The following SESTD1 variants were observed in gnomAD, a reference collection of about 807,000 sequenced individuals.
The protein encoded by SESTD1 is SEC14 and spectrin domain containing 1.
A neutral mutation model predicts 101.7 loss-of-function variants in SESTD1; 43 were observed. The ratio of observed to expected loss-of-function variants is 0.42; its 90% CI spans 0.33 to 0.55. SESTD1 has a LOEUF of 0.55. SESTD1 is among the 20% of genes least tolerant of loss of function. SESTD1 has a pLI of 0.07. For synonymous variants in SESTD1, 283 were observed against 286.8 expected, an observed-to-expected ratio of 0.99 and a Z score of 0.13; for missense variants, 647 against 815.1, an observed-to-expected ratio of 0.79 and a Z score of 2.51.
chr2:179,214,365 AG>A (rs1369862755), intron 1 of SESTD1, among the ~76,000 whole-genome samples: 1 of 134,726 alleles, frequency 7.4e-6, no homozygotes, highest in Non-Finnish European at 1.6e-5. Context: ...AAACCAACAA[AG>A]ATCAAAACAG....
In SESTD1 at chr2:179,102,623, C is replaced by T. The variant is rs1196119841; in HGVS notation, c.*7276G>A. On this transcript the variant is annotated 3_prime_UTR_variant, in exon 18 of 18. Coordinates refer to ENST00000428443, the MANE Select transcript of SESTD1 (RefSeq NM_178123.5). ...CCCTTAAAATTTTAATAGGAAAAATCGAATAAACCATACATATTTTTGAAA... is the reference window on the plus strand; with the variant it reads ...CCCTTAAAATTTTAATAGGAAAAATTGAATAAACCATACATATTTTTGAAA... 1.3e-5 allele frequency: 2 copies of T among 151,870 alleles called. No individual in the cohort carries two copies. Among genetic ancestry groups the T allele is most frequent in the African/African-American group, 2.4e-5 (1 of 41,344 alleles). 9.4% of individuals were successfully genotyped at this position (151,870 alleles called of 1,614,324 possible).
chr2:179,175,246 A>C lies in SESTD1; in HGVS notation c.255+1202T>G, dbSNP rs149769070. 4.2e-3 allele frequency among the ~76,000 whole-genome samples: 645 copies of C among 152,308 alleles called. 2 individuals carry two copies. The highest frequency in any genetic ancestry group is 0.014 in the African/African-American group (596 of 41,550). On this transcript the variant is annotated intron_variant, in intron 4 of 17. Transcript: ENST00000428443. ...TTAGCACAGTACCAAAAACATAATA[A>C]GCACTAAAACTAGAACTAAAACCTA...
intron 5 of SESTD1, among the ~76,000 whole-genome samples, chr2:179,157,304 A>G (rs1212703767): frequency 3.9e-5 from 6 of 152,178 alleles, no homozygotes; most frequent in Non-Finnish European, 2.9e-5. Context: ...GCCAAAAGCA[A>G]TCTACAAATT....
At chr2:179,160,749 C>T (rs2045720099) in intron 5 of SESTD1, among the ~76,000 whole-genome samples, 1 of 152,040 alleles carries the variant, frequency 6.6e-6, no homozygotes, top group Non-Finnish European at 1.5e-5. Context: ...TATTGTGACT[C>T]TCTAAATCAC....
At chr2:179,124,590 GC>G (rs1553517240) in intron 10 of SESTD1, 32 bp from the exon 11 acceptor site, 1 of 1,520,984 alleles carries the variant, frequency 6.6e-7, no homozygotes, top group African/African-American at 1.4e-5. Flanking sequence ...GTAAACTAAG[GC>G]TCAAATTAGT....
At chr2:179,228,892 G>A (rs1470446229) in intron 1 of SESTD1, among the ~76,000 whole-genome samples, 1 of 152,108 alleles carries the variant, frequency 6.6e-6, no homozygotes, top group African/African-American at 2.4e-5. Flanking sequence ...TAGATCTAGG[G>A]GGAGAAAAAT....
intron 1 of SESTD1, among the ~76,000 whole-genome samples, chr2:179,204,469 A>G (rs1182016391): frequency 7.4e-6 from 1 of 134,578 alleles, no homozygotes; most frequent in Non-Finnish European, 1.6e-5. Context: ...CCAATCACTA[A>G]TCAATGTTAT....
chr2:179,156,367 A>T (rs1293206577), intron 5 of SESTD1, among the ~76,000 whole-genome samples: 1 of 152,142 alleles, frequency 6.6e-6, no homozygotes, highest in Admixed American at 6.5e-5. Context: ...GGACTGCTGG[A>T]TCAAATGGTA....
chr2:179,143,302 G>A (rs2045321281), intron 9 of SESTD1, among the ~76,000 whole-genome samples: 1 of 152,094 alleles, frequency 6.6e-6, no homozygotes, highest in Non-Finnish European at 1.5e-5. Flanking sequence ...ATAATGAAAT[G>A]TTATTTATTG....
chr2:179,157,215 T>C (rs1197216379), intron 5 of SESTD1, among the ~76,000 whole-genome samples: 1 of 152,008 alleles, frequency 6.6e-6, no homozygotes, highest in African/African-American at 2.4e-5. Context: ...CTGAAAGAAA[T>C]CACAGATGAC....
At chr2:179,142,817 C>T (rs1439905980) in intron 9 of SESTD1, among the ~76,000 whole-genome samples, 2 of 152,100 alleles carry the variant, frequency 1.3e-5, no homozygotes, top group Non-Finnish European at 1.5e-5. Context: ...TCCTTGTGAC[C>T]CTTAACACTT....
rs564655083 is a variant in SESTD1, at chr2:179,162,847, T to C, written c.369+9273A>G. Among the ~76,000 whole-genome samples, 3 of 147,870 alleles carry C rather than the reference T, an allele frequency of 2.0e-5. 1 individual carries two copies. The South Asian group carries it at 6.4e-4, about 32-fold the overall frequency. Reference sequence around the variant, plus strand: ...TAAAAAAAAAAAAAAAAAAATTAGCTGGGCGTGGTGGTGCATGCCTGTAAT... The same window carrying C: ...TAAAAAAAAAAAAAAAAAAATTAGCCGGGCGTGGTGGTGCATGCCTGTAAT... On this transcript the variant is annotated intron_variant, in intron 5 of 17. Coordinates refer to ENST00000428443, the MANE Select transcript of SESTD1 (RefSeq NM_178123.5).
chr2:179,198,149 G>A (rs560917689), intron 1 of SESTD1, among the ~76,000 whole-genome samples: 1 of 151,914 alleles, frequency 6.6e-6, no homozygotes, highest in African/African-American at 2.4e-5. Flanking sequence ...AGAAAGGCAG[G>A]GGTTGCAATC....
intron 1 of SESTD1, among the ~76,000 whole-genome samples, chr2:179,236,470 C>G (rs760529664): frequency 3.7e-4 from 56 of 151,894 alleles, no homozygotes; most frequent in Non-Finnish European, 7.5e-4. Context: ...GCACTCTAAC[C>G]CGGGCAACAC....
At chr2:179,195,441 G>A (rs556069236) in intron 1 of SESTD1, among the ~76,000 whole-genome samples, 2 of 152,298 alleles carry the variant, frequency 1.3e-5, no homozygotes, top group South Asian at 2.1e-4. Context: ...AACTGTGAGT[G>A]AATTAAACCT....
Position 179,108,693 on chromosome 2 carries a change from A to G in SESTD1, c.*1206T>C, listed in dbSNP as rs1466173432. 1 of 152,096 alleles carries G rather than the reference A, an allele frequency of 6.6e-6. No homozygotes were observed. The highest frequency in any genetic ancestry group is 1.5e-5 in the Non-Finnish European group (1 of 68,016). The allele number at this position is 152,096 out of a possible 1,614,324, so 9.4% of individuals were successfully genotyped here. A position where few individuals can be genotyped will look rare whatever the true frequency, so the allele number is the denominator to read the frequency against. On this transcript the variant is annotated 3_prime_UTR_variant, in exon 18 of 18. Transcript: ENST00000428443. ...TTTATAATTTTGTAATGACTACAAG[A>G]CTAAAAAATAATTTTTAATATTTTA...
chr2:179,209,731 T>C (rs1473059170), intron 1 of SESTD1, among the ~76,000 whole-genome samples: 1 of 134,224 alleles, frequency 7.5e-6, no homozygotes, highest in Non-Finnish European at 1.6e-5. Flanking sequence ...GGAAAGCTCA[T>C]AGCATTAAAT....
At chr2:179,170,758 G>A (rs1266639243) in intron 5 of SESTD1, among the ~76,000 whole-genome samples, 3 of 152,166 alleles carry the variant, frequency 2.0e-5, no homozygotes, top group Non-Finnish European at 4.4e-5. Flanking sequence ...GGAAGGGAGA[G>A]AGGCTGGAGA....
Position 179,198,948 on chromosome 2 carries a change from C to G in SESTD1, c.-25-7082G>C, listed in dbSNP as rs542222320. 5.3e-5 allele frequency among the ~76,000 whole-genome samples: 8 copies of G among 152,110 alleles called. 1 individual carries two copies. The East Asian group carries it at 7.7e-4, about 15-fold the overall frequency. ...AAAGCTAGCAGAAGGCAAGAAATAA[C>G]TAAAATCGGAGTTAAACTGAAGGAA... is the stretch of plus-strand genomic sequence containing the variant. On this transcript the variant is annotated intron_variant, in intron 1 of 17. Transcript: ENST00000428443.
Sources: allele counts gnomAD v4.1 joint callset (sites outside exome capture counted in the v4.1 genomes callset), GRCh38; gene constraint gnomAD v4.1.1; transcripts MANE v1.5; gene names NCBI Gene and HGNC (gene_info 2026-07-23, HGNC 2026-07-21).